The following SBF2 variants were observed in gnomAD, a reference collection of about 807,000 sequenced individuals.
The protein encoded by SBF2 is SET binding factor 2, also known as myotubularin-related protein 13.
Under a neutral mutation model 225.2 loss-of-function variants are expected in SBF2, and 112 were observed. The observed-to-expected ratio is 0.50, with a 90% CI of 0.43 to 0.58. SBF2 has a LOEUF of 0.58. Among genes scored for constraint, SBF2 ranks in the 20% least tolerant of loss-of-function variants. SBF2 has a pLI of 0.00. For synonymous variants in SBF2, 763 were observed against 773.3 expected (o/e 0.99, Z 0.22); for missense variants, 1,996 against 2,206.2 (o/e 0.90, Z 1.91).
At chr11:10,028,739 G>C (rs1949141081) in intron 5 of SBF2, among the ~76,000 whole-genome samples, 182 bp from the exon 6 acceptor site, 1 of 152,146 alleles carries the variant, frequency 6.6e-6, no homozygotes, top group South Asian at 2.1e-4. Flanking sequence ...AGTGGCATAA[G>C]AAAATTCAGT....
intron 1 of SBF2, among the ~76,000 whole-genome samples, chr11:10,257,115 A>G (rs188781789): frequency 4.6e-5 from 7 of 152,354 alleles, no homozygotes; most frequent in Admixed American, 6.5e-5. Flanking sequence ...TTAAGTTCTT[A>G]TCCAAGATCA....
At chr11:10,251,094 T>C (rs1023549000) in intron 1 of SBF2, among the ~76,000 whole-genome samples, 1 of 152,206 alleles carries the variant, frequency 6.6e-6, no homozygotes, top group Non-Finnish European at 1.5e-5. Context: ...CTTTTATTTG[T>C]AGAGGATTTT....
intron 1 of SBF2, among the ~76,000 whole-genome samples, chr11:10,265,383 C>A (rs1004241580): frequency 6.8e-6 from 1 of 147,890 alleles, no homozygotes; most frequent in African/African-American, 2.5e-5. Context: ...TAAATGTCTT[C>A]TTTTGAGAAG....
At chr11:10,189,611 A>C (rs369456174) in intron 2 of SBF2, among the ~76,000 whole-genome samples, 1 of 152,232 alleles carries the variant, frequency 6.6e-6, no homozygotes, top group Non-Finnish European at 1.5e-5. Flanking sequence ...TAGGGCAGGT[A>C]GTCAAATTGC....
chr11:9,978,974 G>A (rs542700434), intron 13 of SBF2, among the ~76,000 whole-genome samples: 4 of 152,322 alleles, frequency 2.6e-5, no homozygotes, highest in Middle Eastern at 6.8e-3. Flanking sequence ...ACTCCAGCCT[G>A]GGCAACAGAG....
At chr11:10,166,006 A>G (rs1955935198) in intron 2 of SBF2, among the ~76,000 whole-genome samples, 2 of 152,226 alleles carry the variant, frequency 1.3e-5, no homozygotes, top group Admixed American at 6.5e-5. Context: ...GAGTATACAT[A>G]CAAGAGGAAG....
chr11:10,021,872 C>G (rs1948872628), intron 6 of SBF2, among the ~76,000 whole-genome samples: 1 of 152,150 alleles, frequency 6.6e-6, no homozygotes. Flanking sequence ...CCACCATGTG[C>G]TTTGGAAACA....
chr11:10,140,096 C>T (rs1954569431), intron 2 of SBF2, among the ~76,000 whole-genome samples: 2 of 152,324 alleles, frequency 1.3e-5, no homozygotes, highest in Non-Finnish European at 2.9e-5. Context: ...CACAGTGCTT[C>T]TAAAACCCTT....
intron 17 of SBF2, among the ~76,000 whole-genome samples, chr11:9,893,895 C>T (rs762018650): frequency 4.6e-5 from 7 of 152,184 alleles, no homozygotes; most frequent in Admixed American, 2.0e-4. Context: ...TGCATTCTTA[C>T]GAATTCTCTT....
At chr11:9,929,411 A>T (rs7124455) in intron 16 of SBF2, 197,525 of 199,288 alleles carry the variant, frequency 0.99, 97,912 homozygotes, top group East Asian at 1. Context: ...GCTCAGGGGT[A>T]GGACCAAGAA....
chr11:9,837,848 C>T (rs1214093996), intron 26 of SBF2, among the ~76,000 whole-genome samples: 2 of 152,166 alleles, frequency 1.3e-5, no homozygotes, highest in Non-Finnish European at 2.9e-5. Context: ...AGTGATTCTC[C>T]TGCCTCAGCC....
At chr11:9,902,614 A>G (rs561428060) in intron 16 of SBF2, among the ~76,000 whole-genome samples, 5 of 152,348 alleles carry the variant, frequency 3.3e-5, no homozygotes, top group African/African-American at 1.2e-4. Context: ...AATGACAATA[A>G]TCCTGGGATC....
chr11:10,181,160 T>C (rs532644386), intron 2 of SBF2, among the ~76,000 whole-genome samples: 35 of 152,196 alleles, frequency 2.3e-4, no homozygotes, highest in Non-Finnish European at 4.3e-4. Flanking sequence ...GTATCAGAAA[T>C]AAAGAAAACT....
rs1193706918 is a variant in SBF2, at chr11:9,790,548, T to TA, written c.4698+7dup. 1.0e-5 allele frequency: 16 copies of TA among 1,579,618 alleles called. No individual in the cohort carries two copies. In the African/African-American group the frequency reaches 1.8e-4, roughly 17 times the overall value. Reference sequence around the variant, plus strand: ...AGAAAGTGAAACATAAATGATTTCTTACTCTACCTCTATTTCCAATGGTGA... The same window carrying TA: ...AGAAAGTGAAACATAAATGATTTCTTAACTCTACCTCTATTTCCAATGGTGA... On this transcript the variant is annotated splice_region_variant and intron_variant, in intron 34 of 39. Coordinates refer to ENST00000256190, the MANE Select transcript of SBF2 (RefSeq NM_030962.4).
rs188868494 is a variant in SBF2 at position 10,269,202 on chromosome 11, A to C, written c.55+24813T>G. 7.2e-4 allele frequency among the ~76,000 whole-genome samples: 110 copies of C among 152,296 alleles called. 1 individual carries two copies. In the East Asian group the frequency reaches 0.02, roughly 28 times the overall value. On this transcript the variant is annotated intron_variant, in intron 1 of 39. Transcript: ENST00000256190. ...TTTCCAGAGCTATGTCTGTCTTTTC[A>C]TTTTTTGACTATCCTTGCCTCAGCT...
chr11:9,992,953 AT>A, intron 11 of SBF2, 36 bp downstream of exon 11: 4 of 1,407,956 alleles, frequency 2.8e-6, no homozygotes, highest in South Asian at 2.4e-5. Flanking sequence ...ATTAGAATAT[AT>A]TTTTTGGACA....
chr11:9,896,819 G>T (rs542336013), intron 16 of SBF2, among the ~76,000 whole-genome samples: 2 of 151,474 alleles, frequency 1.3e-5, no homozygotes, highest in Admixed American at 1.3e-4. Flanking sequence ...GGGGCGGGGA[G>T]GATCTTTCTA....
intron 1 of SBF2, among the ~76,000 whole-genome samples, chr11:10,281,249 T>C (rs916925358): frequency 6.6e-6 from 1 of 152,208 alleles, no homozygotes; most frequent in African/African-American, 2.4e-5. Context: ...TCAGGTTCTT[T>C]CTAGCTTTTT....
intron 1 of SBF2, among the ~76,000 whole-genome samples, chr11:10,271,021 A>G (rs1401928920): frequency 1.4e-5 from 2 of 148,000 alleles, no homozygotes; most frequent in African/African-American, 2.5e-5. Flanking sequence ...AAAAAAAAAA[A>G]GTAGTAAAAT....
Sources: gnomAD v4.1 joint callset for allele counts (sites outside exome capture counted in the v4.1 genomes callset) on GRCh38, gnomAD v4.1.1 for gene constraint, MANE v1.5 for transcripts, NCBI Gene and HGNC (gene_info 2026-07-23, HGNC 2026-07-21) for gene names.